P2RX7: variants seen among roughly 807,000 people sequenced by gnomAD.
The protein encoded by P2RX7 is purinergic receptor P2X 7, also known as P2X purinoceptor 7.
A neutral mutation model predicts 71.6 loss-of-function variants in P2RX7; 62 were observed. The ratio of observed to expected loss-of-function variants is 0.87; its 90% CI spans 0.71 to 1.07. The LOEUF is 1.07. Ranked by LOEUF, P2RX7 falls within the 50% of genes least tolerant of loss-of-function variation. P2RX7 has a pLI of 0.00. For missense variants in P2RX7, 686 were observed against 748.5 expected (o/e 0.92, Z 0.97); for synonymous variants, 299 against 283.3 (o/e 1.06, Z -0.56).
chr12:121,184,288 GA>G lies in P2RX7; in HGVS notation c.1291-14del, dbSNP rs762236997. 56 of 1,573,788 alleles carry G rather than the reference GA, an allele frequency of 3.6e-5. No individual in the cohort carries two copies. The highest frequency in any genetic ancestry group is 4.3e-6 in the Non-Finnish European group (5 of 1,160,218). On this transcript the variant is annotated splice_polypyrimidine_tract_variant and intron_variant, in intron 12 of 12. Transcript: ENST00000328963. ...GGGCTTGTCATGGCTAATAGGTTTG[GA>G]AACTTGCTTTTTCAGAGACCTGCGA...
intron 1 of P2RX7, among the ~76,000 whole-genome samples, chr12:121,153,780 C>T (rs1404175911): frequency 6.6e-6 from 1 of 152,044 alleles, no homozygotes; most frequent in African/African-American, 2.4e-5. Flanking sequence ...GGAGATGGTG[C>T]ATGCAGAGTA....
rs755928655 is a variant in P2RX7, at chr12:121,184,629, G to A, written c.1615G>A (p.Asp539Asn). 3 of 1,610,628 alleles carry A rather than the reference G, an allele frequency of 1.9e-6. No individual in the cohort carries two copies. The South Asian group carries it at 3.3e-5, about 18-fold the overall frequency. ...GGAGCCCTTGCTGGCGCTGGATGTG[G>A]ATTCCACCAACAGCCGGCTGCGGCA... ...YQEPLLALDVDSTNSRLRHCA... is the reference protein window; with the variant it reads ...YQEPLLALDVNSTNSRLRHCA... The change falls in exon 13 of 13, where the codon GAT (aspartate) becomes AAT (asparagine). Residue 539 changes from aspartate (D) to asparagine (N), a missense_variant. Transcript: ENST00000328963.
intron 5 of P2RX7, among the ~76,000 whole-genome samples, chr12:121,164,477 A>G (rs1370507466): frequency 1.3e-5 from 2 of 152,200 alleles, no homozygotes; most frequent in African/African-American, 4.8e-5. Flanking sequence ...GTGTTAGTCC[A>G]TTCTCACACA....
chr12:121,133,188 A>C, intron 1 of P2RX7, 93 bp downstream of exon 1: 71 of 1,437,862 alleles, frequency 4.9e-5, no homozygotes, highest in Non-Finnish European at 6.1e-5. Flanking sequence ...TCTGAATCTC[A>C]CATGGTTTTC....
rs1884643479 is a variant in P2RX7 at position 121,184,448 on chromosome 12, G to A, written c.1434G>A (p.Gln478=). The change falls in exon 13 of 13, where the codon CAG becomes CAA. Residue 478 remains glutamine (Q), a synonymous_variant. Coordinates refer to ENST00000328963, the MANE Select transcript of P2RX7 (RefSeq NM_002562.6). ...PRSRDSPVWC[Q]CGSCLPSQLP... is the part of the protein sequence containing the mutation. ...CCAGGGATAGCCCCGTCTGGTGCCA[G>A]TGTGGAAGCTGCCTCCCATCTCAAC... 3 of 1,614,194 alleles carry A rather than the reference G, an allele frequency of 1.9e-6. No homozygotes were observed. The highest frequency in any genetic ancestry group is 2.5e-6 in the Non-Finnish European group (3 of 1,180,038).
intron 1 of P2RX7, among the ~76,000 whole-genome samples, chr12:121,141,638 T>C (rs1874894487): frequency 6.6e-6 from 1 of 152,188 alleles, no homozygotes; most frequent in Non-Finnish European, 1.5e-5. Flanking sequence ...ATGAAGGGTT[T>C]TATGTTCATA....
rs1416624382 is a variant in P2RX7, at chr12:121,186,256, A to G, written c.*1454A>G. 6.6e-6 allele frequency: 1 copy of G among 152,146 alleles called. No individual in the cohort carries two copies. The highest frequency in any genetic ancestry group is 2.4e-5 in the African/African-American group (1 of 41,410). 9.4% of individuals were successfully genotyped at this position (152,146 alleles called of 1,614,324 possible). The stretch of plus-strand genomic sequence containing the variant: ...TGACTGATACCGCATGATACATCCC[A>G]AGTGAGAACTGCCCCATAAATCCAG... On this transcript the variant is annotated 3_prime_UTR_variant, in exon 13 of 13. Coordinates refer to ENST00000328963, the MANE Select transcript of P2RX7 (RefSeq NM_002562.6).
chr12:121,166,320 G>T, intron 7 of P2RX7, 133 bp downstream of exon 7: 1 of 933,130 alleles, frequency 1.1e-6, no homozygotes, highest in Non-Finnish European at 1.6e-6. Context: ...AAATCCACCC[G>T]CTACGCTAAG....
At chr12:121,151,303 A>C (rs1877353526) in intron 1 of P2RX7, among the ~76,000 whole-genome samples, 1 of 150,534 alleles carries the variant, frequency 6.6e-6, no homozygotes, top group African/African-American at 2.4e-5. Flanking sequence ...GCTGGAGTGC[A>C]GTGGCGCCAT....
At position 121,165,322 on chromosome 12, in the gene P2RX7, G is replaced by A. The variant is rs752757152; in HGVS notation, c.534-35G>A. 55 of 1,575,866 alleles carry A rather than the reference G, an allele frequency of 3.5e-5. No homozygotes were observed. The Middle Eastern group carries it at 8.3e-4, about 24-fold the overall frequency. On this transcript the variant is annotated intron_variant, in intron 5 of 12. Coordinates refer to ENST00000328963, the MANE Select transcript of P2RX7 (RefSeq NM_002562.6). ...CCCATGGGCTCCCTCGGTTCCCCCC[G>A]TCACTAATGGCCATTTTGCATGTCT...
chr12:121,151,139 A>C (rs2136027801), intron 1 of P2RX7, among the ~76,000 whole-genome samples: 2 of 152,194 alleles, frequency 1.3e-5, no homozygotes, highest in South Asian at 4.2e-4. Flanking sequence ...TGGGAGGATC[A>C]CTTGAGCCCA....
chr12:121,134,388 T>C (rs1873063462), intron 1 of P2RX7, among the ~76,000 whole-genome samples: 1 of 152,146 alleles, frequency 6.6e-6, no homozygotes, highest in Non-Finnish European at 1.5e-5. Context: ...GGTTTTGTTG[T>C]TGTCATTTTG....
rs559466293 is a variant in P2RX7 at position 121,173,752 on chromosome 12, C to T, written c.882-1636C>T. 6.6e-5 allele frequency among the ~76,000 whole-genome samples: 10 copies of T among 152,256 alleles called. No homozygotes were observed. In the South Asian group the frequency reaches 2.1e-3, roughly 32 times the overall value. On this transcript the variant is annotated intron_variant, in intron 8 of 12. Coordinates refer to ENST00000328963, the MANE Select transcript of P2RX7 (RefSeq NM_002562.6). Reference sequence around the variant, plus strand: ...ACAGGAATGGTCTCTAAATGTCTGGCCCTCACCCTACCTGTCCCTAAGGAG... The same window carrying T: ...ACAGGAATGGTCTCTAAATGTCTGGTCCTCACCCTACCTGTCCCTAAGGAG...
Position 121,184,475 on chromosome 12 carries a change from C to A in P2RX7, c.1461C>A (p.Leu487=). 1.9e-6 allele frequency: 3 copies of A among 1,614,160 alleles called. No homozygotes were observed. The highest frequency in any genetic ancestry group is 2.5e-6 in the Non-Finnish European group (3 of 1,180,004). The change falls in exon 13 of 13, where the codon CTC becomes CTA. Residue 487 remains leucine (L), a synonymous_variant. Transcript: ENST00000328963. ...GTGGAAGCTGCCTCCCATCTCAACTCCCTGAGAGCCACAGGTGCCTGGAGG... is the reference window on the plus strand; with the variant it reads ...GTGGAAGCTGCCTCCCATCTCAACTACCTGAGAGCCACAGGTGCCTGGAGG... ...CQCGSCLPSQ[L]PESHRCLEEL... is the part of the protein sequence containing the mutation.
rs1403708094 is a variant in P2RX7 at position 121,132,959 on chromosome 12, G to A, written c.-12G>A. 6.2e-7 allele frequency: 1 copy of A among 1,613,566 alleles called. No individual in the cohort carries two copies. Among genetic ancestry groups the A allele is most frequent in the Non-Finnish European group, 8.5e-7 (1 of 1,180,020 alleles). On this transcript the variant is annotated 5_prime_UTR_variant, in exon 1 of 13. Coordinates refer to ENST00000328963, the MANE Select transcript of P2RX7 (RefSeq NM_002562.6). ...TCTGGTCCAGCTCCGCGCAGGGAGG[G>A]AGGCTGTCACCATGCCGGCCTGCTG...
intron 7 of P2RX7, among the ~76,000 whole-genome samples, chr12:121,166,491 G>T (rs1401106395): frequency 6.6e-6 from 1 of 152,178 alleles, no homozygotes; most frequent in Non-Finnish European, 1.5e-5. Context: ...AGTTGGAGAT[G>T]ATTTTCCCTG....
chr12:121,142,876 G>A (rs1875267974), intron 1 of P2RX7, among the ~76,000 whole-genome samples: 3 of 151,996 alleles, frequency 2.0e-5, no homozygotes, highest in African/African-American at 7.3e-5. Context: ...ATCACTTGAG[G>A]TCAGGAGTTC....
chr12:121,133,339 G>A (rs1872829781), intron 1 of P2RX7, among the ~76,000 whole-genome samples: 2 of 152,120 alleles, frequency 1.3e-5, no homozygotes, highest in Non-Finnish European at 2.9e-5. Flanking sequence ...GCCCGCCAGG[G>A]CGCGCAGGGC....
rs1366340077 is a variant in P2RX7, at chr12:121,154,578, C to T, written c.126-207C>T. On this transcript the variant is annotated intron_variant, in intron 1 of 12. Transcript: ENST00000328963. This position sits in a 1 kb window ranked among gnomAD's most constrained non-coding sequence, Gnocchi z 4.2. ...TGTGCCAGATACTGGGCAAAGGAGT[C>T]TGCAGACGTCTCTCATTTCATCCTC... Among the ~76,000 whole-genome samples the T allele has an allele frequency of 6.6e-6, 1 of 152,192 alleles. No individual in the cohort carries two copies. Among genetic ancestry groups the T allele is most frequent in the Non-Finnish European group, 1.5e-5 (1 of 68,042 alleles).
Sources: gnomAD v4.1 joint callset for allele counts (sites outside exome capture counted in the v4.1 genomes callset) on GRCh38, gnomAD v4.1.1 for gene constraint, Gnocchi (gnomAD v3.1) non-coding constraint, MANE v1.5 for transcripts, NCBI Gene and HGNC (gene_info 2026-07-23, HGNC 2026-07-21) for gene names.